ZFP28: variants seen among roughly 807,000 people sequenced by gnomAD.
The protein encoded by ZFP28 is ZFP28 zinc finger protein.
Under a neutral mutation model 39.5 loss-of-function variants are expected in ZFP28, and 31 were observed. The ratio of observed to expected loss-of-function variants is 0.79; its 90% CI spans 0.59 to 1.06. The LOEUF (loss-of-function observed/expected upper bound fraction) is 1.06. Among genes scored for constraint, ZFP28 ranks in the 50% least tolerant of loss-of-function variants. ZFP28 has a pLI of 0.00. For missense variants in ZFP28, 925 were observed against 1,048.4 expected (o/e 0.88, Z 1.63); for synonymous variants, 400 against 378.6 (o/e 1.06, Z -0.66).
chr19:56,552,341 ACAT>A (rs1183874091), intron 7 of ZFP28: 3 of 152,204 alleles, frequency 2.0e-5, no homozygotes, highest in Non-Finnish European at 4.4e-5. Context: ...CTGTTTCTAG[ACAT>A]CATCACCAAT....
chr19:56,552,504 A>G (rs974236605), intron 7 of ZFP28: 12 of 152,086 alleles, frequency 7.9e-5, no homozygotes, highest in African/African-American at 2.7e-4. Context: ...GTGTGTTTAT[A>G]CTCATTAGTC....
chr19:56,554,271 A>C lies in ZFP28; in HGVS notation c.1486A>C (p.Arg496=), dbSNP rs2044330189. The C allele has an allele frequency of 6.2e-7, 1 of 1,614,088 alleles. No individual in the cohort carries two copies. Among genetic ancestry groups the C allele is most frequent in the Admixed American group, 1.7e-5 (1 of 60,008 alleles). Residue 496 remains arginine, a synonymous_variant, in exon 8 of 8, where the codon AGA becomes CGA. Coordinates refer to ENST00000301318, the MANE Select transcript of ZFP28 (RefSeq NM_020828.2). The surrounding 1 kb of genome is among the most constrained non-coding windows in gnomAD (Gnocchi z 6.7). The part of the protein sequence containing the change: ...IQNTSLIRHW[R]YYHTGEKPFD... ...GAACACATCCCTTATCCGTCACTGG[A>C]GATACTATCATACTGGGGAGAAACC...
At chr19:56,540,728 CA>C (rs1422919210) in intron 2 of ZFP28, among the ~76,000 whole-genome samples, 1 of 152,154 alleles carries the variant, frequency 6.6e-6, no homozygotes, top group East Asian at 1.9e-4. Context: ...CTAAAGTAGC[CA>C]AAGACAATAT....
At position 56,547,685 on chromosome 19, in the gene ZFP28, C is replaced by G; in HGVS notation, c.427+51C>G. The G allele has an allele frequency of 6.3e-7, 1 of 1,584,266 alleles. No individual in the cohort carries two copies. Among genetic ancestry groups the G allele is most frequent in the Non-Finnish European group, 8.6e-7 (1 of 1,164,770 alleles). On this transcript the variant is annotated intron_variant, in intron 3 of 7. Transcript: ENST00000301318. The surrounding 1 kb of genome is among the most constrained non-coding windows in gnomAD (Gnocchi z 4.6). ...CCCCTCACCCTACCCACGTCCTGGA[C>G]TAAGAAGCCTTTCATGCCTTTATCA...
Position 56,540,408 on chromosome 19 carries a change from T to C in ZFP28, c.300+692T>C, listed in dbSNP as rs146996088. On this transcript the variant is annotated intron_variant, in intron 2 of 7. Transcript: ENST00000301318. ...CATGCCAGTAAATAGTTGTGTTTGTTTCGGTTGGCTTCTCCTATAAATATC... is the reference window on the plus strand; with the variant it reads ...CATGCCAGTAAATAGTTGTGTTTGTCTCGGTTGGCTTCTCCTATAAATATC... Among the ~76,000 whole-genome samples, 521 of 152,336 alleles carry C rather than the reference T, an allele frequency of 3.4e-3. 7 individuals carry two copies. The highest frequency in any genetic ancestry group is 0.012 in the African/African-American group (499 of 41,568).
chr19:56,545,007 C>T (rs1281807597), intron 2 of ZFP28, among the ~76,000 whole-genome samples: 10 of 152,226 alleles, frequency 6.6e-5, no homozygotes, highest in Non-Finnish European at 1.5e-5. Flanking sequence ...GTTGATTCTT[C>T]TTGGCAAGCA....
Position 56,556,182 on chromosome 19 carries a change from T to A in ZFP28, c.*790T>A, listed in dbSNP as rs1201997307. The A allele has an allele frequency of 6.6e-6, 1 of 152,140 alleles. No homozygotes were observed. The highest frequency in any genetic ancestry group is 6.5e-5 in the Admixed American group (1 of 15,274). The allele number at this position is 152,140 out of a possible 1,614,324, so 9.4% of individuals were successfully genotyped here. ...GTCCATGATCTAGAATTTAAAAAAA[T>A]TTTAAAGGGTTGAAAAAAGTGAAAA... On this transcript the variant is annotated 3_prime_UTR_variant, in exon 8 of 8. Coordinates refer to ENST00000301318, the MANE Select transcript of ZFP28 (RefSeq NM_020828.2).
chr19:56,546,544 G>A (rs951845522), intron 2 of ZFP28: 1 of 151,846 alleles, frequency 6.6e-6, no homozygotes, highest in African/African-American at 2.4e-5. Context: ...GGTTCGTAAA[G>A]GCATTTCATT....
intron 4 of ZFP28, chr19:56,548,609 C>G (rs1054281344): frequency 1.8e-5 from 3 of 163,484 alleles, no homozygotes; most frequent in African/African-American, 7.2e-5. Context: ...TTATATTAGA[C>G]ATTTTATTTT....
intron 7 of ZFP28, chr19:56,550,843 C>CAT: frequency 6.8e-7 from 1 of 1,460,126 alleles, no homozygotes; most frequent in South Asian, 1.4e-5. Flanking sequence ...GGACGTGTAT[C>CAT]ATCCACTTGC....
chr19:56,538,926 C>CG (rs1245527142), upstream of ZFP28: 2 of 1,068,030 alleles, frequency 1.9e-6, no homozygotes, highest in African/African-American at 4.3e-5. Context: ...GGAGCGCGCG[C>CG]GGGGCTGTTC....
Position 56,547,990 on chromosome 19 carries a change from C to T in ZFP28, c.523+88C>T. ...ACGCAACATCTTCAGCAGACTCTTC[C>T]TAAGCCTCTTGCTTAGGAATATCTG... On this transcript the variant is annotated intron_variant, in intron 4 of 7. Transcript: ENST00000301318. The surrounding 1 kb of genome is among the most constrained non-coding windows in gnomAD (Gnocchi z 4.6). The T allele has an allele frequency of 8.0e-7, 1 of 1,246,384 alleles. No individual in the cohort carries two copies. Among genetic ancestry groups the T allele is most frequent in the Non-Finnish European group, 1.1e-6 (1 of 879,232 alleles). 77.2% of individuals were successfully genotyped at this position (1,246,384 alleles called of 1,614,324 possible).
At chr19:56,551,545 G>C (rs905946160) in intron 7 of ZFP28, 15 of 984,880 alleles carry the variant, frequency 1.5e-5, no homozygotes, top group Non-Finnish European at 1.8e-5. Context: ...TTCAAGTTAA[G>C]TGAAAACTAC....
intron 4 of ZFP28, 126 bp from the exon 5 acceptor site, chr19:56,548,832 T>C: frequency 9.6e-7 from 1 of 1,038,974 alleles, no homozygotes; most frequent in Non-Finnish European, 1.3e-6. Context: ...ATGCTTTTCA[T>C]TTTCTTCCAT....
At chr19:56,550,300 G>A (rs573276964) in intron 6 of ZFP28, 119 bp downstream of exon 6, 1 of 1,067,394 alleles carries the variant, frequency 9.4e-7, no homozygotes, top group East Asian at 2.6e-5. Context: ...TGAATTTTGT[G>A]GATTCCTAAG....
At chr19:56,550,701 CTT>C (rs1459970004) in intron 7 of ZFP28, 96 bp downstream of exon 7, 1 of 1,596,858 alleles carries the variant, frequency 6.3e-7, no homozygotes, top group Non-Finnish European at 8.5e-7. Context: ...CAGTAGGAAA[CTT>C]TACCCAGGGT....
Position 56,555,343 on chromosome 19 carries a change from ATC to A in ZFP28, c.2560_2561del (p.Leu854ValfsTer29). ...TTACCTTCCACGTCAAATCCTGTGGATCTGTTTCCCAAATTTCTCTGGAATCC... is the reference window on the plus strand; with the variant it reads ...TTACCTTCCACGTCAAATCCTGTGGATGTTTCCCAAATTTCTCTGGAATCC... On this transcript the variant is annotated frameshift_variant, in exon 8 of 8. Transcript: ENST00000301318. LOFTEE classifies it high-confidence loss of function. 6.2e-7 allele frequency: 1 copy of A among 1,613,274 alleles called. No homozygotes were observed. The highest frequency in any genetic ancestry group is 1.1e-5 in the South Asian group (1 of 90,912).
chr19:56,548,813 C>A, intron 4 of ZFP28, 145 bp from the exon 5 acceptor site: 1 of 922,044 alleles, frequency 1.1e-6, no homozygotes, highest in Non-Finnish European at 1.6e-6. Flanking sequence ...AGAAAGCTTT[C>A]AAAATGATAT....
At chr19:56,543,559 C>T (rs1471471291) in intron 2 of ZFP28, among the ~76,000 whole-genome samples, 3 of 151,842 alleles carry the variant, frequency 2.0e-5, no homozygotes, top group Middle Eastern at 3.2e-3. Flanking sequence ...CGTGTGCCAC[C>T]ATACCCAGTT....
Sources: allele counts gnomAD v4.1 joint callset (sites outside exome capture counted in the v4.1 genomes callset), GRCh38; gene constraint gnomAD v4.1.1; non-coding constraint Gnocchi (gnomAD v3.1); transcripts MANE v1.5; gene names NCBI Gene and HGNC (gene_info 2026-07-23, HGNC 2026-07-21).